ASAP2: variants seen among roughly 807,000 people sequenced by gnomAD.
The protein encoded by ASAP2 is ArfGAP with SH3 domain, ankyrin repeat and PH domain 2.
Under a neutral mutation model 131.4 loss-of-function variants are expected in ASAP2, and 45 were observed. That is an observed-to-expected ratio of 0.34 (90% CI 0.27 to 0.44). The LOEUF (loss-of-function observed/expected upper bound fraction) is 0.44, where lower values mean the gene tolerates loss of function less well. Ranked by LOEUF, ASAP2 falls within the 20% of genes least tolerant of loss-of-function variation. The pLI, the probability that ASAP2 is intolerant of heterozygous loss-of-function variation, is 1.00. For synonymous variants in ASAP2, 510 were observed against 503.0 expected (o/e 1.01, Z -0.19); for missense variants, 1,011 against 1,297.0 (o/e 0.78, Z 3.39).
intron 1 of ASAP2, among the ~76,000 whole-genome samples, chr2:9,214,903 A>G (rs1661897437): frequency 6.6e-6 from 1 of 152,054 alleles, no homozygotes; most frequent in Non-Finnish European, 1.5e-5. Context: ...GCTCCCTTTG[A>G]CACTCTGGCG....
chr2:9,297,558 G>C, intron 3 of ASAP2, 113 bp downstream of exon 3: 1 of 1,269,530 alleles, frequency 7.9e-7, no homozygotes, highest in Non-Finnish European at 1.1e-6. Flanking sequence ...AGTTCCTTGG[G>C]TACCCAAAAG....
intron 2 of ASAP2, among the ~76,000 whole-genome samples, chr2:9,291,867 A>C (rs1185123334): frequency 2.0e-5 from 3 of 152,064 alleles, no homozygotes; most frequent in Non-Finnish European, 4.4e-5. Context: ...TTAATGGTAC[A>C]TGCACTTGAC....
At chr2:9,318,847 GA>G (rs942805404) in intron 4 of ASAP2, among the ~76,000 whole-genome samples, 15 of 152,216 alleles carry the variant, frequency 9.9e-5, no homozygotes, top group African/African-American at 3.6e-4. Flanking sequence ...GGAAGGGAAA[GA>G]AAACTGCTAT....
At chr2:9,275,190 C>G (rs912006114) in intron 1 of ASAP2, among the ~76,000 whole-genome samples, 1 of 151,488 alleles carries the variant, frequency 6.6e-6, no homozygotes, top group Non-Finnish European at 1.5e-5. Flanking sequence ...AAGTGATCCT[C>G]CCTCCTCAGC....
At chr2:9,375,106 CAAAA>C (rs112747713) in intron 17 of ASAP2, among the ~76,000 whole-genome samples, 162 bp downstream of exon 17, 24 of 66,228 alleles carry the variant, frequency 3.6e-4, no homozygotes, top group African/African-American at 8.2e-4. Context: ...CCCATCTCTA[CAAAA>C]AAAAAAAAAA....
chr2:9,380,049 G>A (rs942749504), intron 19 of ASAP2, among the ~76,000 whole-genome samples: 5 of 151,948 alleles, frequency 3.3e-5, no homozygotes, highest in Non-Finnish European at 7.4e-5. Context: ...CTTGAGAGAA[G>A]GTTTAAAAGT....
chr2:9,331,059 G>A (rs1670805792), intron 7 of ASAP2, among the ~76,000 whole-genome samples: 1 of 152,238 alleles, frequency 6.6e-6, no homozygotes, highest in Admixed American at 6.5e-5. Flanking sequence ...ACGTGTGGGA[G>A]CGCCTCTCAT....
intron 1 of ASAP2, among the ~76,000 whole-genome samples, chr2:9,260,209 C>T (rs146621018): frequency 2.6e-5 from 4 of 152,346 alleles, no homozygotes; most frequent in Admixed American, 6.5e-5. Context: ...CCCAGGTGAT[C>T]AAGTAATTTG....
At chr2:9,278,744 CT>C (rs1268512223) in intron 1 of ASAP2, among the ~76,000 whole-genome samples, 1 of 152,128 alleles carries the variant, frequency 6.6e-6, no homozygotes, top group Non-Finnish European at 1.5e-5. Flanking sequence ...TTATTCAACC[CT>C]GCAAAGTGGG....
Position 9,393,526 on chromosome 2 carries a change from A to T in ASAP2, c.2563A>T (p.Ser855Cys), listed in dbSNP as rs921263279. 6 of 1,531,516 alleles carry T rather than the reference A, an allele frequency of 3.9e-6. No individual in the cohort carries two copies. The highest frequency in any genetic ancestry group is 5.3e-6 in the Non-Finnish European group (6 of 1,134,732). The allele number at this position is 1,531,516 out of a possible 1,614,324, so 94.9% of individuals were successfully genotyped here. A position where few individuals can be genotyped will look rare whatever the true frequency, so the allele number is the denominator to read the frequency against. ...GCCCCCACCCGTTGCCAAGACGCCC[A>T]GCGTAATGGAAGCCTTGAGCCAGCC... is the stretch of plus-strand genomic sequence containing the variant. The part of the protein sequence containing the change: ...TPPPPVAKTP[S>C]VMEALSQPSK... Residue 855 changes from serine (S) to cysteine (C), a missense_variant, in exon 24 of 28, where the codon AGC becomes TGC. Coordinates refer to ENST00000281419, the MANE Select transcript of ASAP2 (RefSeq NM_003887.3).
intron 1 of ASAP2, among the ~76,000 whole-genome samples, chr2:9,278,484 G>A (rs1666900051): frequency 6.7e-6 from 1 of 149,590 alleles, no homozygotes; most frequent in African/African-American, 2.5e-5. Context: ...CTGCACTCTA[G>A]CCTGGGTGAC....
chr2:9,402,441 C>A (rs1158825405), intron 27 of ASAP2, among the ~76,000 whole-genome samples: 2 of 152,142 alleles, frequency 1.3e-5, no homozygotes, highest in African/African-American at 4.8e-5. Context: ...ACCAGCCTGG[C>A]CAACATGGTT....
At chr2:9,329,656 A>G (rs1336391717) in intron 7 of ASAP2, among the ~76,000 whole-genome samples, 2 of 152,164 alleles carry the variant, frequency 1.3e-5, no homozygotes, top group Non-Finnish European at 2.9e-5. Context: ...TGCAGACCAG[A>G]GATGACGATG....
At chr2:9,365,885 C>T (rs1202046793) in intron 15 of ASAP2, among the ~76,000 whole-genome samples, 1 of 152,168 alleles carries the variant, frequency 6.6e-6, no homozygotes, top group Admixed American at 6.5e-5. Flanking sequence ...ACAGGAAGGG[C>T]GACGGACTGG....
chr2:9,260,885 T>C (rs1185965405), intron 1 of ASAP2, among the ~76,000 whole-genome samples: 1 of 152,224 alleles, frequency 6.6e-6, no homozygotes, highest in East Asian at 1.9e-4. Flanking sequence ...CTCTATCTGC[T>C]TCTCCGCCAC....
At chr2:9,331,923 G>A (rs1184246579) in intron 7 of ASAP2, among the ~76,000 whole-genome samples, 1 of 152,164 alleles carries the variant, frequency 6.6e-6, no homozygotes, top group Non-Finnish European at 1.5e-5. Flanking sequence ...TGCTGCAGAA[G>A]CTTGCAGAGG....
intron 17 of ASAP2, among the ~76,000 whole-genome samples, chr2:9,376,229 C>T (rs994493686): frequency 3.3e-5 from 5 of 152,252 alleles, no homozygotes; most frequent in South Asian, 4.1e-4. Context: ...GCTGTGCTGC[C>T]GCCAGAGGGC....
intron 11 of ASAP2, among the ~76,000 whole-genome samples, chr2:9,348,368 A>G (rs1572516110): frequency 6.6e-6 from 1 of 152,014 alleles, no homozygotes; most frequent in South Asian, 2.1e-4. Flanking sequence ...CAGGTGATCT[A>G]CCTGCCTCAG....
intron 9 of ASAP2, among the ~76,000 whole-genome samples, chr2:9,336,990 T>C (rs1671246728): frequency 6.6e-6 from 1 of 152,264 alleles, no homozygotes; most frequent in African/African-American, 2.4e-5. Context: ...GCTTTGCCTG[T>C]GCAGAATTAG....
Sources: gnomAD v4.1 joint callset for allele counts (sites outside exome capture counted in the v4.1 genomes callset) on GRCh38, gnomAD v4.1.1 for gene constraint, MANE v1.5 for transcripts, NCBI Gene and HGNC (gene_info 2026-07-23, HGNC 2026-07-21) for gene names.